The following SYNE1 variants were observed in gnomAD, a reference collection of about 807,000 sequenced individuals.
SYNE1 encodes the protein nesprin-1.
SYNE1 carries 616 observed loss-of-function variants against 1,111.0 expected under a neutral mutation model. The observed-to-expected ratio is 0.55, with a 90% CI of 0.52 to 0.59. The LOEUF is 0.59. Among genes scored for constraint, SYNE1 ranks in the 20% least tolerant of loss-of-function variants. The pLI is 0.00. For missense variants in SYNE1, 10,006 were observed against 10,417.0 expected, an observed-to-expected ratio of 0.96 and a Z score of 1.72; for synonymous variants, 3,855 against 3,825.8, an observed-to-expected ratio of 1.01 and a Z score of -0.28.
chr6:152,407,552 A>C (rs1487331572), intron 44 of SYNE1, among the ~76,000 whole-genome samples: 1 of 152,234 alleles, frequency 6.6e-6, no homozygotes, highest in African/African-American at 2.4e-5. Flanking sequence ...GAAAGCATTA[A>C]CAATAAGCAT....
At chr6:152,247,011 A>G (rs900705243) in intron 105 of SYNE1, among the ~76,000 whole-genome samples, 1 of 152,240 alleles carries the variant, frequency 6.6e-6, no homozygotes, top group African/African-American at 2.4e-5. Flanking sequence ...TTTCTAAGAA[A>G]GGACATGCAC....
In SYNE1 at chr6:152,283,980, C is replaced by G; in HGVS notation, c.18205G>C (p.Glu6069Gln). 2 of 1,614,074 alleles carry G rather than the reference C, an allele frequency of 1.2e-6. No homozygotes were observed. The highest frequency in any genetic ancestry group is 1.7e-6 in the Non-Finnish European group (2 of 1,179,942). ...GCCACTTTACAGTTATTGGTTACCT[C>G]CAAAAGCTGCCGTTTCCCCGAGGCT... ...MKASGKRQLL[E>Q]EKLNDQLEEQ... Residue 6069 changes from glutamate (E) to glutamine (Q), a missense_variant and splice_region_variant, in exon 96 of 146, where the codon GAG becomes CAG. By Grantham distance (29) the Glu-to-Gln change is conservative (BLOSUM62 2). This residue lies in a region of SYNE1 where 99 missense variants were observed against 147.8 expected (regional missense o/e 0.67). Coordinates refer to ENST00000367255, the MANE Select transcript of SYNE1 (RefSeq NM_182961.4).
intron 101 of SYNE1, among the ~76,000 whole-genome samples, chr6:152,260,113 C>T (rs1326324044): frequency 1.3e-5 from 2 of 152,292 alleles, no homozygotes; most frequent in Non-Finnish European, 1.5e-5. Flanking sequence ...GGACGAATCA[C>T]ACAGGTGCTT....
chr6:152,317,322 C>T (rs770117084), intron 86 of SYNE1, among the ~76,000 whole-genome samples: 3 of 150,794 alleles, frequency 2.0e-5, no homozygotes, highest in Non-Finnish European at 2.9e-5. Flanking sequence ...ATCTTACGGG[C>T]TCAGCCTCCC....
rs75829545 is a variant in SYNE1, at chr6:152,496,780, G to A, written c.939+1962C>T. Among the ~76,000 whole-genome samples, 1,451 of 152,186 alleles carry A rather than the reference G, an allele frequency of 9.5e-3. 32 individuals are homozygous for A. The highest frequency in any genetic ancestry group is 0.033 in the African/African-American group (1,375 of 41,504). On this transcript the variant is annotated intron_variant, in intron 11 of 145. Transcript: ENST00000367255. ...CAGGTCTCTGAGTCCAAGTCTGCAC[G>A]TATACATTCAGATGGCTGAGGCAAC...
In SYNE1 at chr6:152,242,404, G is replaced by C. The variant is rs368534747; in HGVS notation, c.19729C>G (p.Arg6577Gly). 11 of 1,613,768 alleles carry C rather than the reference G, an allele frequency of 6.8e-6. No homozygotes were observed. The highest frequency in any genetic ancestry group is 8.5e-6 in the Non-Finnish European group (10 of 1,179,974). Reference sequence around the variant, plus strand: ...AGGTTCTGATTCAGACCACTCCTCCGGGAGCCAATGATCATCATCAGCTCA... The same window carrying C: ...AGGTTCTGATTCAGACCACTCCTCCCGGAGCCAATGATCATCATCAGCTCA... ...YDELMMIIGS[R>G]RSGLNQNLTL... The change falls in exon 107 of 146, where the codon CGG (arginine) becomes GGG (glycine). Residue 6577 changes from arginine to glycine, a missense_variant. Physicochemically the swap from Arg to Gly is moderately radical, Grantham distance 125. Transcript: ENST00000367255.
At chr6:152,239,800 T>C in intron 107 of SYNE1, 94 bp from the exon 108 acceptor site, 1 of 1,363,292 alleles carries the variant, frequency 7.3e-7, no homozygotes. Flanking sequence ...GGCTCACGCC[T>C]GTAATCCCAA....
Position 152,172,648 on chromosome 6 carries a change from A to G in SYNE1, c.23627+3746T>C, listed in dbSNP as rs146578845. 2.3e-3 allele frequency among the ~76,000 whole-genome samples: 357 copies of G among 152,314 alleles called. 1 individual carries two copies. The highest frequency in any genetic ancestry group is 6.0e-3 in the African/African-American group (251 of 41,580). ...AGTCCTGAGCTCTAGAGAAATTGCT[A>G]TGTGGATTTTCTGCACTGGATTCAT... On this transcript the variant is annotated intron_variant, in intron 130 of 145. Transcript: ENST00000367255.
intron 33 of SYNE1, chr6:152,435,637 G>A: frequency 2.4e-6 from 1 of 414,196 alleles, no homozygotes; most frequent in Non-Finnish European, 4.2e-6. Flanking sequence ...TTAAATATTA[G>A]TTCTTTTTCA....
chr6:152,559,134 C>T (rs923446554), intron 3 of SYNE1, among the ~76,000 whole-genome samples: 4 of 152,028 alleles, frequency 2.6e-5, no homozygotes, highest in African/African-American at 9.7e-5. Context: ...TGCAGTGGCA[C>T]TCACTGTTGC....
At chr6:152,521,977 C>T (rs1008637556) in intron 5 of SYNE1, among the ~76,000 whole-genome samples, 23 of 152,080 alleles carry the variant, frequency 1.5e-4, no homozygotes, top group Non-Finnish European at 2.9e-4. Flanking sequence ...GTGTTACTGT[C>T]AGTAGGTCCT....
chr6:152,353,503 T>C (rs2096778447), intron 68 of SYNE1, 70 bp from the exon 69 acceptor site: 1 of 1,613,108 alleles, frequency 6.2e-7, no homozygotes, highest in Admixed American at 1.7e-5. Flanking sequence ...GATGAATATG[T>C]ATCTTCACTG....
intron 131 of SYNE1, among the ~76,000 whole-genome samples, chr6:152,159,231 GTAGGC>G (rs1368793851): frequency 6.6e-6 from 1 of 152,200 alleles, no homozygotes; most frequent in East Asian, 1.9e-4. Context: ...TTTGTGTTAG[GTAGGC>G]ACTGTGCTCA....
At chr6:152,184,437 CAAAAAAAAA>C (rs199660419) in intron 128 of SYNE1, among the ~76,000 whole-genome samples, 3 of 104,748 alleles carry the variant, frequency 2.9e-5, no homozygotes, top group East Asian at 4.9e-4. Flanking sequence ...AACTCTGTTT[CAAAAAAAAA>C]AAAAAAAAAA....
In SYNE1 at chr6:152,419,699, A is replaced by G. The variant is rs761352115; in HGVS notation, c.5291T>C (p.Val1764Ala). The change falls in exon 40 of 146, where the codon GTT becomes GCT. Residue 1764 changes from valine to alanine, a missense_variant. Transcript: ENST00000367255. Reference sequence around the variant, plus strand: ...CTCATCAAATTGCTGGTGTTCAGCAACCACAGACTGAAGAAAATTAATCCT... The same window carrying G: ...CTCATCAAATTGCTGGTGTTCAGCAGCCACAGACTGAAGAAAATTAATCCT... ...NKRINFLQSVVAEHQQFDELL... is the reference protein window; with the variant it reads ...NKRINFLQSVAAEHQQFDELL... The G allele has an allele frequency of 6.2e-6, 10 of 1,614,012 alleles. No homozygotes were observed. In the Admixed American group the frequency reaches 1.7e-4, roughly 27 times the overall value.
rs756333492 is a variant in SYNE1, at chr6:152,359,495, T to G, written c.10300-37A>C. The G allele has an allele frequency of 2.5e-6, 4 of 1,613,594 alleles. No homozygotes were observed. In the African/African-American group the frequency reaches 4.0e-5, roughly 16 times the overall value. Reference sequence around the variant, plus strand: ...TTAAGAAAAATAAAGTGGCCATTCATGCACCATCACATCAACGACACTGCT... The same window carrying G: ...TTAAGAAAAATAAAGTGGCCATTCAGGCACCATCACATCAACGACACTGCT... On this transcript the variant is annotated intron_variant, in intron 64 of 145. Transcript: ENST00000367255.
rs1416752093 is a variant in SYNE1, at chr6:152,148,709, T to C, written c.24643-331A>G. On this transcript the variant is annotated intron_variant, in intron 136 of 145. Transcript: ENST00000367255. This position sits in a 1 kb window ranked among gnomAD's most constrained non-coding sequence, Gnocchi z 4.1. ...AGTGGGAAAAAATTAAAAAGTCTTA[T>C]AAATTATCCTACATAAGCCTCAGTT... Among the ~76,000 whole-genome samples the C allele has an allele frequency of 6.6e-6, 1 of 151,662 alleles. No homozygotes were observed. The highest frequency in any genetic ancestry group is 1.5e-5 in the Non-Finnish European group (1 of 67,970).
intron 135 of SYNE1, 46 bp downstream of exon 135, chr6:152,151,507 T>C (rs753354851): frequency 1.2e-6 from 2 of 1,611,552 alleles, no homozygotes; most frequent in Non-Finnish European, 1.7e-6. Context: ...AATCCTTTCA[T>C]TTTCAGGCTT....
Position 152,309,941 on chromosome 6 carries a change from G to A in SYNE1, c.17096C>T (p.Pro5699Leu). The change falls in exon 90 of 146, where the codon CCC (proline) becomes CTC (leucine). Residue 5699 changes from proline to leucine, a missense_variant. By Grantham distance (98) the Pro-to-Leu change is moderately conservative. This residue lies in a region of SYNE1 where 4,955 missense variants were observed against 5,017.2 expected (regional missense o/e 0.99). Transcript: ENST00000367255. The part of the protein sequence containing the change: ...VQLCQSALRI[P>L]EDVVASLPLC... ...AGGTAAGCTGGCAACCACATCCTCG[G>A]GGATCCGGAGGGCACTCTGGCAGAG... The A allele has an allele frequency of 6.2e-7, 1 of 1,614,104 alleles. No individual in the cohort carries two copies. Among genetic ancestry groups the A allele is most frequent in the Non-Finnish European group, 8.5e-7 (1 of 1,180,030 alleles).
Sources: allele counts gnomAD v4.1 joint callset (sites outside exome capture counted in the v4.1 genomes callset), GRCh38; gene constraint gnomAD v4.1.1; regional missense constraint gnomAD v4.1.1; non-coding constraint Gnocchi (gnomAD v3.1); transcripts MANE v1.5; gene names NCBI Gene and HGNC (gene_info 2026-07-23, HGNC 2026-07-21).